Variants in AASDH observed in about 807,000 individuals in gnomAD.
AASDH encodes the protein beta-alanine-activating enzyme.
In AASDH, 81 loss-of-function variants were observed where a neutral mutation model predicts 102.3. That is an observed-to-expected ratio of 0.79 (90% CI 0.66 to 0.95). AASDH has a LOEUF of 0.95. AASDH is among the 40% of genes least tolerant of loss of function. AASDH has a pLI of 0.00. For synonymous variants in AASDH, 398 were observed against 454.0 expected (o/e 0.88, Z 1.57); for missense variants, 1,203 against 1,266.2 (o/e 0.95, Z 0.76).
Position 56,363,242 on chromosome 4 carries a change from G to C in AASDH, c.862-7819C>G, listed in dbSNP as rs191740912. ...GCAGCCAGGAAGCTCAAACTGGGTGGAGCCCAGCACAGCTCAAGGAGGCCT... is the reference window on the plus strand; with the variant it reads ...GCAGCCAGGAAGCTCAAACTGGGTGCAGCCCAGCACAGCTCAAGGAGGCCT... On this transcript the variant is annotated intron_variant, in intron 5 of 14. Coordinates refer to ENST00000205214, the MANE Select transcript of AASDH (RefSeq NM_181806.4). Among the ~76,000 whole-genome samples the C allele has an allele frequency of 3.1e-3, 473 of 152,334 alleles. 3 individuals carry two copies. Among genetic ancestry groups the C allele is most frequent in the African/African-American group, 0.011 (453 of 41,582 alleles).
At chr4:56,355,572 C>A in intron 5 of AASDH, 149 bp from the exon 6 acceptor site, 2 of 433,128 alleles carry the variant, frequency 4.6e-6, no homozygotes, top group Non-Finnish European at 7.9e-6. Context: ...TGGAAAACTA[C>A]TGGTGCAACA....
chr4:56,354,013 G>GAT (rs539427352), intron 8 of AASDH, 26 bp downstream of exon 8: 1 of 1,569,244 alleles, frequency 6.4e-7, no homozygotes, highest in Non-Finnish European at 8.6e-7. Context: ...TATATTAATA[G>GAT]ATATTCAATA....
intron 13 of AASDH, among the ~76,000 whole-genome samples, 197 bp downstream of exon 13, chr4:56,343,362 ATAC>A (rs1421751527): frequency 1.4e-4 from 11 of 80,370 alleles, no homozygotes; most frequent in Non-Finnish European, 2.4e-4. Context: ...AAACAAAAAA[ATAC>A]ATATATATAT....
chr4:56,378,307 A>C lies in AASDH; in HGVS notation c.509T>G (p.Ile170Arg), dbSNP rs766031020. The C allele has an allele frequency of 1.9e-6, 3 of 1,614,100 alleles. No individual in the cohort carries two copies. Among genetic ancestry groups the C allele is most frequent in the Non-Finnish European group, 2.5e-6 (3 of 1,180,024 alleles). Residue 170 changes from isoleucine (I) to arginine (R), a missense_variant, in exon 4 of 15, where the codon ATA becomes AGA. Ile to Arg is a moderately conservative substitution (Grantham distance 97). Coordinates refer to ENST00000205214, the MANE Select transcript of AASDH (RefSeq NM_181806.4). ...EKYEKEKIKS[I>R]SSEHVNEEKA... The stretch of plus-strand genomic sequence containing the variant: ...TTCTTCATTGACATGCTCAGAACTT[A>C]TGCTTTTTATTTTTTCTTTTTCATA...
chr4:56,384,834 G>A (rs183536244), intron 1 of AASDH, among the ~76,000 whole-genome samples: 1 of 152,296 alleles, frequency 6.6e-6, no homozygotes, highest in African/African-American at 2.4e-5. Context: ...AGCACTTCGG[G>A]AGGCCGAGGT....
chr4:56,379,877 G>A (rs550736983), intron 3 of AASDH, among the ~76,000 whole-genome samples: 1 of 152,246 alleles, frequency 6.6e-6, no homozygotes, highest in South Asian at 2.1e-4. Context: ...TGGGGGAGAG[G>A]GAAAAGGTGA....
rs1188591291 is a variant in AASDH at position 56,345,195 on chromosome 4, T to C, written c.2584A>G (p.Met862Val). The part of the protein sequence containing the change: ...TEDAVKSSAT[M>V]DPTTGLIYIG... Reference sequence around the variant, plus strand: ...TAAATGAGTCCTGTGGTTGGATCCATGGTTGCCGAGCTTTTGACAGCATCT... The same window carrying C: ...TAAATGAGTCCTGTGGTTGGATCCACGGTTGCCGAGCTTTTGACAGCATCT... The change falls in exon 12 of 15, where the codon ATG (methionine) becomes GTG (valine). Residue 862 changes from methionine to valine, a missense_variant. Physicochemically the swap from Met to Val is conservative, Grantham distance 21. Transcript: ENST00000205214. 6.2e-7 allele frequency: 1 copy of C among 1,614,190 alleles called. No homozygotes were observed. Among genetic ancestry groups the C allele is most frequent in the Admixed American group, 1.7e-5 (1 of 60,014 alleles).
intron 14 of AASDH, among the ~76,000 whole-genome samples, chr4:56,339,181 T>C (rs533688578): frequency 6.6e-6 from 1 of 151,602 alleles, no homozygotes; most frequent in Non-Finnish European, 1.5e-5. Context: ...TGAGATGGAG[T>C]CTTGCTCTGT....
intron 3 of AASDH, chr4:56,381,771 A>C (rs917372828): frequency 1.3e-5 from 2 of 152,160 alleles, no homozygotes; most frequent in Middle Eastern, 3.4e-3. Context: ...AATTGAATAT[A>C]TTTTTATAAT....
At position 56,379,640 on chromosome 4, in the gene AASDH, A is replaced by G. The variant is rs1752751000; in HGVS notation, c.352-1176T>C. On this transcript the variant is annotated intron_variant, in intron 3 of 14. Transcript: ENST00000205214. The stretch of plus-strand genomic sequence containing the variant: ...ACACCAGACATATACAAGCAATTAT[A>G]ATGCAATGCGTATGATAATAAAGCA... 2.0e-5 allele frequency among the ~76,000 whole-genome samples: 3 copies of G among 152,218 alleles called. 1 individual carries two copies.
chr4:56,353,891 C>A, intron 8 of AASDH, 148 bp downstream of exon 8: 1 of 705,902 alleles, frequency 1.4e-6, no homozygotes. Context: ...TAAGGGGCAC[C>A]CTGAATTATT....
At chr4:56,355,593 G>GTTTTTTTTTTTTTTTTTTTTTTTTTT (rs149149581) in intron 5 of AASDH, among the ~76,000 whole-genome samples, 170 bp from the exon 6 acceptor site, 7 of 91,916 alleles carry the variant, frequency 7.6e-5, no homozygotes, top group East Asian at 3.7e-4. Context: ...TTATCTTCTT[G>GTTTTTTTTTTTTTTTTTTTTTTTTTT]TTTTTTTTTT....
At position 56,387,486 on chromosome 4, in the gene AASDH, AT is replaced by A. The variant is rs1485736925; in HGVS notation, c.-168del. 6.6e-6 allele frequency: 1 copy of A among 152,212 alleles called. No homozygotes were observed. Among genetic ancestry groups the A allele is most frequent in the East Asian group, 1.9e-4 (1 of 5,180 alleles). The allele number at this position is 152,212 out of a possible 1,614,324, so 9.4% of individuals were successfully genotyped here. On this transcript the variant is annotated 5_prime_UTR_variant, in exon 1 of 15. It removes an upstream start codon present in the reference 5' UTR. Transcript: ENST00000205214. ...TAAAGCTATCCCAGAGCGAGGCACC[AT>A]ACGTAAATCTTCCGCGTCGCTACGT...
At position 56,359,324 on chromosome 4, in the gene AASDH, C is replaced by T. The variant is rs558172522; in HGVS notation, c.862-3901G>A. 1.3e-4 allele frequency among the ~76,000 whole-genome samples: 19 copies of T among 151,704 alleles called. No homozygotes were observed. In the South Asian group the frequency reaches 2.9e-3, roughly 23 times the overall value. On this transcript the variant is annotated intron_variant, in intron 5 of 14. Coordinates refer to ENST00000205214, the MANE Select transcript of AASDH (RefSeq NM_181806.4). ...CGCAATCTCGGCTCACCACAACATCCGCCTCCTGCCTCCTGCCTCCCGCCT... is the reference window on the plus strand; with the variant it reads ...CGCAATCTCGGCTCACCACAACATCTGCCTCCTGCCTCCTGCCTCCCGCCT...
intron 5 of AASDH, among the ~76,000 whole-genome samples, chr4:56,358,353 A>T (rs13102012): frequency 6.7e-6 from 1 of 149,808 alleles, no homozygotes; most frequent in African/African-American, 2.5e-5. Context: ...TTTCCTTCTT[A>T]CCTTATTGTA....
intron 5 of AASDH, among the ~76,000 whole-genome samples, chr4:56,369,902 T>C (rs1390444311): frequency 1.3e-5 from 2 of 149,348 alleles, no homozygotes; most frequent in African/African-American, 2.5e-5. Flanking sequence ...GTCATACCAC[T>C]GTACTCCAGG....
At chr4:56,361,014 T>C (rs1347202063) in intron 5 of AASDH, among the ~76,000 whole-genome samples, 1 of 152,210 alleles carries the variant, frequency 6.6e-6, no homozygotes, top group African/African-American at 2.4e-5. Context: ...CTCTTCATTT[T>C]CACTAAGCCG....
intron 1 of AASDH, among the ~76,000 whole-genome samples, chr4:56,386,157 T>G (rs1490942947): frequency 2.6e-5 from 4 of 152,194 alleles, no homozygotes; most frequent in Non-Finnish European, 5.9e-5. Flanking sequence ...TAGTAGGCAT[T>G]TCTATAAATA....
At chr4:56,367,541 C>G (rs1751162994) in intron 5 of AASDH, among the ~76,000 whole-genome samples, 1 of 124,170 alleles carries the variant, frequency 8.1e-6, no homozygotes, top group East Asian at 2.1e-4. Context: ...TGGAACAGAA[C>G]AGAGCCCTCA....
Sources: allele counts gnomAD v4.1 joint callset (sites outside exome capture counted in the v4.1 genomes callset), GRCh38; gene constraint gnomAD v4.1.1; transcripts MANE v1.5; gene names NCBI Gene and HGNC (gene_info 2026-07-23, HGNC 2026-07-21).